Variants in MIS18A observed in about 807,000 individuals in gnomAD.
MIS18A encodes protein Mis18-alpha.
Under a neutral mutation model 25.0 loss-of-function variants are expected in MIS18A, and 14 were observed. The ratio of observed to expected loss-of-function variants is 0.56; its 90% CI spans 0.37 to 0.88. The LOEUF (loss-of-function observed/expected upper bound fraction) is 0.88. Among genes scored for constraint, MIS18A ranks in the 40% least tolerant of loss-of-function variants. The pLI, the probability that MIS18A is intolerant of heterozygous loss-of-function variation, is 0.00. For synonymous variants in MIS18A, 134 were observed against 118.6 expected, an observed-to-expected ratio of 1.13 and a Z score of -0.84; for missense variants, 292 against 290.8, an observed-to-expected ratio of 1.00 and a Z score of -0.03.
chr21:32,197,089 T>G, the MIS18A span, among the ~76,000 whole-genome samples: 1 of 152,228 alleles, frequency 6.6e-6, no homozygotes, highest in African/African-American at 2.4e-5. Context: ...CGAAATGAAC[T>G]GATACGGGTT....
At chr21:32,239,171 T>A in the MIS18A span, among the ~76,000 whole-genome samples, 1 of 152,230 alleles carries the variant, frequency 6.6e-6, no homozygotes, top group Non-Finnish European at 1.5e-5. Context: ...GGGGAAGAAC[T>A]ATTTTAAAGA....
the MIS18A span, among the ~76,000 whole-genome samples, chr21:32,197,277 A>T: frequency 7.9e-6 from 1 of 126,170 alleles, no homozygotes; most frequent in African/African-American, 3.2e-5. Flanking sequence ...GTAGTTCCTT[A>T]TGTCATGCTA....
At chr21:32,158,363 TG>T in the MIS18A span, among the ~76,000 whole-genome samples, 1 of 152,246 alleles carries the variant, frequency 6.6e-6, no homozygotes, top group African/African-American at 2.4e-5. Context: ...CTTTTTGCAT[TG>T]AAAAAAAGTC....
the MIS18A span, chr21:32,260,084 C>CTTTTTTTTTTTTTTTTTTTTTTT: frequency 3.2e-4 from 38 of 116,944 alleles, 1 homozygote; most frequent in African/African-American, 9.5e-4. Flanking sequence ...TTTTTCTCAG[C>CTTTTTTTTTTTTTTTTTTTTTTT]TTTTTTTTTT....
intron 2 of MIS18A, among the ~76,000 whole-genome samples, chr21:32,272,373 C>T (rs191801405): frequency 6.6e-5 from 10 of 152,320 alleles, no homozygotes; most frequent in Non-Finnish European, 1.0e-4. Flanking sequence ...CAAAGCAACA[C>T]GGGAGTGTGC....
At chr21:32,200,511 G>A in the MIS18A span, among the ~76,000 whole-genome samples, 1 of 150,340 alleles carries the variant, frequency 6.7e-6, no homozygotes, top group East Asian at 2.0e-4. Context: ...TTGGCTCACT[G>A]CAAGCTCCAC....
At chr21:32,201,364 T>C in the MIS18A span, among the ~76,000 whole-genome samples, 3 of 151,884 alleles carry the variant, frequency 2.0e-5, no homozygotes, top group African/African-American at 7.3e-5. Context: ...TACAGACTGG[T>C]GGAATCCTTA....
the MIS18A span, among the ~76,000 whole-genome samples, chr21:32,176,943 G>T: frequency 6.6e-6 from 1 of 152,048 alleles, no homozygotes; most frequent in Non-Finnish European, 1.5e-5. Flanking sequence ...GACATTACAA[G>T]AAGAGAAAAT....
At chr21:32,173,660 A>G in the MIS18A span, among the ~76,000 whole-genome samples, 5 of 152,316 alleles carry the variant, frequency 3.3e-5, no homozygotes, top group Non-Finnish European at 7.4e-5. Context: ...GGAAGAAGCC[A>G]GTCACAAAGA....
At chr21:32,208,999 C>CAA in the MIS18A span, among the ~76,000 whole-genome samples, 2 of 152,202 alleles carry the variant, frequency 1.3e-5, no homozygotes, top group Non-Finnish European at 2.9e-5. Flanking sequence ...GATCAAAAAG[C>CAA]AGTTGCTTGA....
chr21:32,172,229 T>C, the MIS18A span, among the ~76,000 whole-genome samples: 11 of 152,218 alleles, frequency 7.2e-5, no homozygotes, highest in East Asian at 2.1e-3. Context: ...GAAAATAGTA[T>C]GTAGATTCTT....
At chr21:32,254,579 AC>A in the MIS18A span, among the ~76,000 whole-genome samples, 1 of 152,102 alleles carries the variant, frequency 6.6e-6, no homozygotes, top group African/African-American at 2.4e-5. Flanking sequence ...GGTTTTTCAC[AC>A]CTTTACCATA....
chr21:32,240,638 C>T, the MIS18A span, among the ~76,000 whole-genome samples: 8 of 152,160 alleles, frequency 5.3e-5, no homozygotes, highest in African/African-American at 1.9e-4. Context: ...AATGTTGTCA[C>T]GATTAAATAA....
the MIS18A span, among the ~76,000 whole-genome samples, chr21:32,220,311 T>A: frequency 6.6e-6 from 1 of 152,184 alleles, no homozygotes; most frequent in Non-Finnish European, 1.5e-5. Context: ...TTCTGCAGCC[T>A]CCACTGGTGA....
the MIS18A span, among the ~76,000 whole-genome samples, chr21:32,221,482 A>G: frequency 6.6e-6 from 1 of 152,188 alleles, no homozygotes; most frequent in Non-Finnish European, 1.5e-5. Context: ...TGAAGGAAGC[A>G]CTAAATATGG....
chr21:32,218,600 T>C, the MIS18A span, among the ~76,000 whole-genome samples: 3 of 152,158 alleles, frequency 2.0e-5, no homozygotes, highest in Admixed American at 6.6e-5. Flanking sequence ...AATCCTAGCT[T>C]GTCATAAATT....
chr21:32,270,284 C>T (rs967181337), intron 3 of MIS18A, 123 bp downstream of exon 3: 30 of 1,134,808 alleles, frequency 2.6e-5, no homozygotes, highest in Admixed American at 5.8e-5. Context: ...AAATTACTGG[C>T]TTGTTAGAAA....
chr21:32,249,052 T>A, the MIS18A span, among the ~76,000 whole-genome samples: 1 of 152,156 alleles, frequency 6.6e-6, no homozygotes, highest in Non-Finnish European at 1.5e-5. Context: ...AAAATAAACC[T>A]AAGAGCACTT....
chr21:32,160,051 C>T, the MIS18A span, among the ~76,000 whole-genome samples: 4 of 152,170 alleles, frequency 2.6e-5, no homozygotes, highest in African/African-American at 9.7e-5. Flanking sequence ...TCACCAGAGA[C>T]TTTGCAGGGC....
Sources: allele counts gnomAD v4.1 joint callset (sites outside exome capture counted in the v4.1 genomes callset), GRCh38; gene constraint gnomAD v4.1.1; transcripts MANE v1.5; gene names NCBI Gene and HGNC (gene_info 2026-07-23, HGNC 2026-07-21).